RELCH: variants seen among roughly 807,000 people sequenced by gnomAD.
The protein encoded by RELCH is RAB11-binding protein RELCH.
RELCH carries 41 observed loss-of-function variants against 150.3 expected under a neutral mutation model. That is an observed-to-expected ratio of 0.27 (90% CI 0.21 to 0.35). The LOEUF (loss-of-function observed/expected upper bound fraction) is 0.35. RELCH is among the 10% of genes least tolerant of loss of function. RELCH has a pLI of 1.00. For synonymous variants in RELCH, 478 were observed against 531.8 expected (o/e 0.90, Z 1.39); for missense variants, 1,092 against 1,467.8 (o/e 0.74, Z 4.18).
At chr18:62,261,692 A>G (rs1686496422) in intron 16 of RELCH, 34 bp downstream of exon 16, 28 of 1,577,586 alleles carry the variant, frequency 1.8e-5, no homozygotes, top group Non-Finnish European at 2.3e-5. Context: ...AAAAATGTAG[A>G]ATATTAGCAG....
intron 2 of RELCH, 23 bp from the exon 3 acceptor site, chr18:62,221,014 G>A (rs772308187): frequency 7.7e-5 from 123 of 1,599,376 alleles, no homozygotes; most frequent in Non-Finnish European, 1.0e-4. Flanking sequence ...GCCTGTGTGT[G>A]TTTATTCCAA....
intron 26 of RELCH, among the ~76,000 whole-genome samples, chr18:62,289,728 A>G (rs1216045698): frequency 6.6e-6 from 1 of 152,270 alleles, no homozygotes; most frequent in Admixed American, 6.5e-5. Context: ...ATCATTCACC[A>G]GTGAGGTAAA....
chr18:62,274,112 C>T (rs746551981), intron 21 of RELCH, 26 bp downstream of exon 21: 7 of 1,456,746 alleles, frequency 4.8e-6, no homozygotes, highest in Admixed American at 1.7e-5. Flanking sequence ...TTATAGTTTG[C>T]TAAAAGGCAT....
Position 62,232,437 on chromosome 18 carries a change from A to C in RELCH, c.1620+10A>C. ...ATTGGCAAAGAGAGAGGTAAGACAC[A>C]TGAAAGTATTTTCGTCCCAGTAATC... On this transcript the variant is annotated intron_variant, in intron 10 of 28. Transcript: ENST00000644646. The C allele has an allele frequency of 1.3e-6, 2 of 1,548,784 alleles. No homozygotes were observed. The highest frequency in any genetic ancestry group is 1.8e-6 in the Non-Finnish European group (2 of 1,122,020).
At chr18:62,258,978 T>C (rs1385576443) in intron 15 of RELCH, among the ~76,000 whole-genome samples, 1 of 152,002 alleles carries the variant, frequency 6.6e-6, no homozygotes, top group East Asian at 1.9e-4. Flanking sequence ...AGTACTTAAA[T>C]ATTTTACACA....
At chr18:62,302,627 T>G (rs1232623771) in intron 28 of RELCH, among the ~76,000 whole-genome samples, 1 of 152,094 alleles carries the variant, frequency 6.6e-6, no homozygotes, top group East Asian at 1.9e-4. Flanking sequence ...TTTAAGCAAT[T>G]CTCCTGCCTT....
In RELCH at chr18:62,187,625, G is replaced by A. The variant is rs1044870955; in HGVS notation, c.120G>A (p.Arg40=). 1.3e-6 allele frequency: 2 copies of A among 1,537,368 alleles called. No individual in the cohort carries two copies. Among genetic ancestry groups the A allele is most frequent in the Non-Finnish European group, 1.8e-6 (2 of 1,140,412 alleles). ...CAGAGGAACGGCGGGCAGTACTTCG[G>A]CTGGGCGCCGGAAGTGGCCTAGATC... is the stretch of plus-strand genomic sequence containing the variant. ...AATEERRAVL[R]LGAGSGLDPG... is the part of the protein sequence containing the mutation. The change falls in exon 1 of 29, where the codon CGG becomes CGA. Residue 40 remains arginine, a synonymous_variant. Transcript: ENST00000644646.
chr18:62,214,383 G>A (rs1475729301), intron 2 of RELCH, among the ~76,000 whole-genome samples: 1 of 152,096 alleles, frequency 6.6e-6, no homozygotes, highest in African/African-American at 2.4e-5. Flanking sequence ...CCAGTAATTG[G>A]GAAAAGATAA....
intron 18 of RELCH, among the ~76,000 whole-genome samples, chr18:62,266,188 G>C (rs2043551859): frequency 6.6e-6 from 1 of 151,656 alleles, no homozygotes; most frequent in African/African-American, 2.4e-5. Context: ...GTTAAATTCT[G>C]TATTTCATAT....
At chr18:62,275,328 G>C (rs775485588) in intron 21 of RELCH, 46 bp from the exon 22 acceptor site, 2 of 960,480 alleles carry the variant, frequency 2.1e-6, no homozygotes, top group South Asian at 1.7e-5. Flanking sequence ...ACTAGTAAGG[G>C]ACTGTGGCTC....
At chr18:62,233,083 T>C (rs768464279) in intron 10 of RELCH, among the ~76,000 whole-genome samples, 1 of 151,834 alleles carries the variant, frequency 6.6e-6, no homozygotes, top group Non-Finnish European at 1.5e-5. Flanking sequence ...TTATGATCCA[T>C]AAACACTATA....
chr18:62,305,565 A>G lies in RELCH; in HGVS notation c.*31A>G. The G allele has an allele frequency of 6.3e-7, 1 of 1,585,550 alleles. No homozygotes were observed. The highest frequency in any genetic ancestry group is 8.6e-7 in the Non-Finnish European group (1 of 1,168,738). ...GGAAAGAAGCCCCCAGTAAACACTA[A>G]GATGGACCTCAAGCCGACTGGTTCC... On this transcript the variant is annotated 3_prime_UTR_variant, in exon 29 of 29. Coordinates refer to ENST00000644646, the MANE Select transcript of RELCH (RefSeq NM_001346231.2). This position sits in a 1 kb window ranked among gnomAD's most constrained non-coding sequence, Gnocchi z 4.0.
intron 16 of RELCH, among the ~76,000 whole-genome samples, chr18:62,262,412 T>C (rs1452994788): frequency 6.6e-6 from 1 of 152,090 alleles, no homozygotes; most frequent in Non-Finnish European, 1.5e-5. Context: ...CAAAGAATTA[T>C]AACATTGAGA....
Position 62,216,230 on chromosome 18 carries a change from A to C in RELCH, c.617-4807A>C, listed in dbSNP as rs73456680. The stretch of plus-strand genomic sequence containing the variant: ...GTTAGGTACTATGTGTTAGGTTTCT[A>C]TGTAGACATACAAGATAGATAACGT... On this transcript the variant is annotated intron_variant, in intron 2 of 28. Coordinates refer to ENST00000644646, the MANE Select transcript of RELCH (RefSeq NM_001346231.2). Among the ~76,000 whole-genome samples, 858 of 152,204 alleles carry C rather than the reference A, an allele frequency of 5.6e-3. 15 individuals are homozygous for C. Among genetic ancestry groups the C allele is most frequent in the East Asian group, 0.052 (268 of 5,180 alleles).
At chr18:62,272,453 A>C (rs1372763706) in intron 20 of RELCH, among the ~76,000 whole-genome samples, 1 of 152,136 alleles carries the variant, frequency 6.6e-6, no homozygotes, top group Non-Finnish European at 1.5e-5. Context: ...GAATAAATGA[A>C]TAAGGGGCAT....
chr18:62,221,420 T>C lies in RELCH; in HGVS notation c.781T>C (p.Phe261Leu). Reference protein sequence around the residue: ...IKPLEKRALNFLVNEFLLKNN... With the variant: ...IKPLEKRALNLLVNEFLLKNN... ...ACCTCTTGAAAAGAGAGCTCTAAACTTCTTAGTCAATGAATTTTTATTGAA... is the reference window on the plus strand; with the variant it reads ...ACCTCTTGAAAAGAGAGCTCTAAACCTCTTAGTCAATGAATTTTTATTGAA... Residue 261 changes from phenylalanine (F) to leucine (L), a missense_variant, in exon 5 of 29, where the codon TTC becomes CTC. This residue lies in a region of RELCH where 190 missense variants were observed against 276.2 expected (regional missense o/e 0.69). Transcript: ENST00000644646. The C allele has an allele frequency of 6.3e-7, 1 of 1,598,780 alleles. No individual in the cohort carries two copies. Among genetic ancestry groups the C allele is most frequent in the East Asian group, 2.2e-5 (1 of 44,708 alleles).
In RELCH at chr18:62,252,804, A is replaced by C. The variant is rs756743161; in HGVS notation, c.1824+50A>C. The C allele has an allele frequency of 2.3e-6, 3 of 1,323,072 alleles. No homozygotes were observed. The Admixed American group carries it at 5.2e-5, about 23-fold the overall frequency. The allele number at this position is 1,323,072 out of a possible 1,614,324, so 82.0% of individuals were successfully genotyped here. A position where few individuals can be genotyped will look rare whatever the true frequency, so the allele number is the denominator to read the frequency against. On this transcript the variant is annotated intron_variant, in intron 12 of 28. Transcript: ENST00000644646. ...CCTAGCTATTATAGCCTGATTTCTT[A>C]AGAAGATACATAGTTTCCTTTTTAA... is the stretch of plus-strand genomic sequence containing the variant.
chr18:62,245,559 G>A (rs2042364475), intron 11 of RELCH, among the ~76,000 whole-genome samples: 2 of 152,268 alleles, frequency 1.3e-5, no homozygotes, highest in South Asian at 4.1e-4. Context: ...CCAAGAGGCA[G>A]AGGTTGCAAA....
intron 26 of RELCH, 63 bp from the exon 27 acceptor site, chr18:62,291,480 C>T (rs1249395962): frequency 4.5e-6 from 4 of 890,578 alleles, no homozygotes; most frequent in African/African-American, 3.4e-5. Context: ...TGTAGTAACT[C>T]GGTTGTTCTG....
Sources: gnomAD v4.1 joint callset for allele counts (sites outside exome capture counted in the v4.1 genomes callset) on GRCh38, gnomAD v4.1.1 for gene constraint, gnomAD v4.1.1 regional missense constraint, Gnocchi (gnomAD v3.1) non-coding constraint, MANE v1.5 for transcripts, NCBI Gene and HGNC (gene_info 2026-07-23, HGNC 2026-07-21) for gene names.